PDZD2: variants seen among roughly 807,000 people sequenced by gnomAD.
PDZD2 encodes PDZ domain-containing protein 2.
PDZD2 carries 90 observed loss-of-function variants against 220.7 expected under a neutral mutation model. The observed-to-expected ratio is 0.41, with a 90% confidence interval of 0.34 to 0.49. The LOEUF is 0.49. PDZD2 is among the 20% of genes least tolerant of loss of function. The pLI, the probability that PDZD2 is intolerant of heterozygous loss-of-function variation, is 0.28. For synonymous variants in PDZD2, 1,375 were observed against 1,450.5 expected, an observed-to-expected ratio of 0.95 and a Z score of 1.18; for missense variants, 3,174 against 3,608.5, an observed-to-expected ratio of 0.88 and a Z score of 3.08.
chr5:31,834,931 CTCTT>C (rs1756857829), intron 2 of PDZD2, among the ~76,000 whole-genome samples: 1 of 126,626 alleles, frequency 7.9e-6, no homozygotes, highest in Non-Finnish European at 1.8e-5. Context: ...TATATAAAAT[CTCTT>C]TATATATATG....
At chr5:31,731,737 C>T (rs999214186) in intron 1 of PDZD2, among the ~76,000 whole-genome samples, 1 of 152,198 alleles carries the variant, frequency 6.6e-6, no homozygotes, top group Non-Finnish European at 1.5e-5. Context: ...TTTTGTGTAT[C>T]CATTCATCTG....
chr5:31,822,521 C>G (rs190814127), intron 2 of PDZD2: 1 of 601,018 alleles, frequency 1.7e-6, no homozygotes, highest in Non-Finnish European at 3.0e-6. Context: ...AGGAAGCATC[C>G]GGCATCTTGT....
chr5:31,861,656 T>C (rs1428529490), intron 2 of PDZD2, among the ~76,000 whole-genome samples: 3 of 152,158 alleles, frequency 2.0e-5, no homozygotes, highest in African/African-American at 7.2e-5. Context: ...CTGAAGACAC[T>C]TCATGCTTCT....
intron 6 of PDZD2, among the ~76,000 whole-genome samples, chr5:32,029,798 A>G (rs1754984018): frequency 6.6e-6 from 1 of 152,264 alleles, no homozygotes; most frequent in South Asian, 2.1e-4. Context: ...CACGCCATGC[A>G]GAAATGCAAG....
At chr5:32,060,267 A>T (rs1366338045) in intron 13 of PDZD2, among the ~76,000 whole-genome samples, 7 of 152,208 alleles carry the variant, frequency 4.6e-5, no homozygotes, top group Non-Finnish European at 1.0e-4. Context: ...ACATCCCAAG[A>T]TGATGTTTCT....
chr5:32,013,322 C>CTTTTTTTTTTTT (rs11428109), intron 6 of PDZD2, among the ~76,000 whole-genome samples: 1 of 135,830 alleles, frequency 7.4e-6, no homozygotes. Context: ...TCTGTGTTAT[C>CTTTTTTTTTTTT]TTTTTTTTTT....
intron 10 of PDZD2, among the ~76,000 whole-genome samples, chr5:32,055,384 A>T (rs1273255331): frequency 1.5e-4 from 23 of 151,870 alleles, no homozygotes; most frequent in Admixed American, 1.4e-3. Context: ...TTTTTAAGAG[A>T]TGGAGTCTCA....
At chr5:32,071,869 GT>G (rs1740784161) in intron 16 of PDZD2, among the ~76,000 whole-genome samples, 1 of 152,136 alleles carries the variant, frequency 6.6e-6, no homozygotes, top group South Asian at 2.1e-4. Flanking sequence ...TCCCCCCAGT[GT>G]TTTTCCTGGG....
chr5:31,801,508 A>G (rs1754385611), intron 2 of PDZD2, among the ~76,000 whole-genome samples: 1 of 152,198 alleles, frequency 6.6e-6, no homozygotes, highest in East Asian at 1.9e-4. Flanking sequence ...AAGAGCCCCT[A>G]CCGTTTGCAG....
intron 2 of PDZD2, among the ~76,000 whole-genome samples, chr5:31,930,872 G>A (rs188733580): frequency 6.6e-6 from 1 of 152,134 alleles, no homozygotes; most frequent in African/African-American, 2.4e-5. Flanking sequence ...GAGTGAGAGA[G>A]ACTGAAGAAG....
chr5:32,098,246 A>T lies in PDZD2; in HGVS notation c.7948-118A>T. ...GACACAGCGAGACTCCCTCTCAAAA[A>T]ATAAAAATAAAAAAGGAAGGTTCCT... On this transcript the variant is annotated intron_variant, in intron 22 of 24. Coordinates refer to ENST00000438447, the MANE Select transcript of PDZD2 (RefSeq NM_178140.4). The surrounding 1 kb of genome is among the most constrained non-coding windows in gnomAD (Gnocchi z 4.1). The T allele has an allele frequency of 1.9e-6, 2 of 1,027,996 alleles. No homozygotes were observed. Among genetic ancestry groups the T allele is most frequent in the Non-Finnish European group, 2.8e-6 (2 of 711,248 alleles). The allele number at this position is 1,027,996 out of a possible 1,614,324, so 63.7% of individuals were successfully genotyped here.
chr5:31,896,855 G>T (rs1014488849), intron 2 of PDZD2, among the ~76,000 whole-genome samples: 1 of 152,224 alleles, frequency 6.6e-6, no homozygotes, highest in Non-Finnish European at 1.5e-5. Flanking sequence ...TACTTGGGAG[G>T]CTGAGGTGGG....
At chr5:31,798,060 C>T (rs1330141815) in intron 1 of PDZD2, among the ~76,000 whole-genome samples, 3 of 152,046 alleles carry the variant, frequency 2.0e-5, no homozygotes, top group Non-Finnish European at 4.4e-5. Flanking sequence ...TACCAGGCAC[C>T]GTGCAGAATT....
intron 1 of PDZD2, chr5:31,747,891 A>G (rs1216133576): frequency 2.0e-5 from 3 of 152,320 alleles, no homozygotes; most frequent in Non-Finnish European, 4.4e-5. Context: ...AGCATGGCCC[A>G]TAGACCTGTT....
At position 31,869,568 on chromosome 5, in the gene PDZD2, G is replaced by GA. The variant is rs527785955; in HGVS notation, c.476+69854dup. On this transcript the variant is annotated intron_variant, in intron 2 of 24. Coordinates refer to ENST00000438447, the MANE Select transcript of PDZD2 (RefSeq NM_178140.4). ...GACAGAGCGAGACTCTGTCTCAAAA[G>GA]AAAAAAAAAACAAAAGAAAAAAGAA... Among the ~76,000 whole-genome samples, 714 of 146,476 alleles carry GA rather than the reference G, an allele frequency of 4.9e-3. 7 individuals carry two copies. Among genetic ancestry groups the GA allele is most frequent in the African/African-American group, 0.015 (584 of 39,788 alleles).
rs1581259240 is a variant in PDZD2 at position 32,006,357 on chromosome 5, T to C, written c.1255-3973T>C. Reference sequence around the variant, plus strand: ...CTTTCCATGTTAGGAAGTACAATTTTTTTTTTTTTTTTTTGAGACAGGGAC... The same window carrying C: ...CTTTCCATGTTAGGAAGTACAATTTCTTTTTTTTTTTTTTGAGACAGGGAC... On this transcript the variant is annotated intron_variant, in intron 5 of 24. Transcript: ENST00000438447. 6.7e-5 allele frequency among the ~76,000 whole-genome samples: 10 copies of C among 150,096 alleles called. No homozygotes were observed. In the South Asian group the frequency reaches 2.1e-3, roughly 32 times the overall value.
At chr5:31,864,576 A>C (rs1294951594) in intron 2 of PDZD2, among the ~76,000 whole-genome samples, 1 of 150,078 alleles carries the variant, frequency 6.7e-6, no homozygotes, top group South Asian at 2.1e-4. Context: ...CTGGAGTGCA[A>C]TGGCACAATC....
At chr5:31,877,372 C>A (rs373044730) in intron 2 of PDZD2, among the ~76,000 whole-genome samples, 18 of 152,098 alleles carry the variant, frequency 1.2e-4, no homozygotes, top group African/African-American at 4.1e-4. Flanking sequence ...CATACCACCA[C>A]GCTGAGCTAA....
chr5:31,664,631 C>G (rs1053901836), intron 1 of PDZD2, among the ~76,000 whole-genome samples: 1 of 152,186 alleles, frequency 6.6e-6, no homozygotes, highest in Non-Finnish European at 1.5e-5. Flanking sequence ...TAGGAACAAC[C>G]GTTTCAAGGT....
Sources: gnomAD v4.1 joint callset for allele counts (sites outside exome capture counted in the v4.1 genomes callset) on GRCh38, gnomAD v4.1.1 for gene constraint, Gnocchi (gnomAD v3.1) non-coding constraint, MANE v1.5 for transcripts, NCBI Gene and HGNC (gene_info 2026-07-23, HGNC 2026-07-21) for gene names.